TRPC4: variants seen among roughly 807,000 people sequenced by gnomAD.
The protein encoded by TRPC4 is short transient receptor potential channel 4.
A neutral mutation model predicts 99.4 loss-of-function variants in TRPC4; 49 were observed. The ratio of observed to expected loss-of-function variants is 0.49; its 90% CI spans 0.39 to 0.63. The LOEUF is 0.63. Ranked by LOEUF, TRPC4 falls within the 20% of genes least tolerant of loss-of-function variation. The pLI is 0.00. For missense variants in TRPC4, 898 were observed against 1,152.9 expected, an observed-to-expected ratio of 0.78 and a Z score of 3.20; for synonymous variants, 454 against 425.9, an observed-to-expected ratio of 1.07 and a Z score of -0.81.
intron 3 of TRPC4, among the ~76,000 whole-genome samples, chr13:37,741,934 G>GA (rs369211542): frequency 0.58 from 83,834 of 145,638 alleles, 24,120 homozygotes; most frequent in Middle Eastern, 0.65. Context: ...ATTTTTTCAT[G>GA]AAAAAAAAAA....
rs180715461 is a variant in TRPC4 at position 37,635,401 on chromosome 13, G to C, written c.*1502C>G. Among the ~76,000 whole-genome samples, 10 of 152,200 alleles carry C rather than the reference G, an allele frequency of 6.6e-5. No individual in the cohort carries two copies. The highest frequency in any genetic ancestry group is 2.4e-4 in the African/African-American group (10 of 41,558). On this transcript the variant is annotated 3_prime_UTR_variant, in exon 11 of 11. Coordinates refer to ENST00000379705, the MANE Select transcript of TRPC4 (RefSeq NM_016179.4). ...AGGAGCTACTTCAGAGGGCTGTAAA[G>C]AGCAGTACATAAATGTTAACAGGTG... is the stretch of plus-strand genomic sequence containing the variant.
chr13:37,719,786 C>T (rs1954804922), intron 3 of TRPC4, among the ~76,000 whole-genome samples: 1 of 151,522 alleles, frequency 6.6e-6, no homozygotes, highest in South Asian at 2.1e-4. Context: ...AATGCCCTCC[C>T]TCCAAAGATG....
At chr13:37,806,686 G>C (rs1957536870) in intron 1 of TRPC4, among the ~76,000 whole-genome samples, 2 of 152,014 alleles carry the variant, frequency 1.3e-5, no homozygotes, top group Non-Finnish European at 2.9e-5. Context: ...TTTTGTGCTT[G>C]GAAGTAAACA....
chr13:37,669,978 G>A (rs1348340856), intron 5 of TRPC4, among the ~76,000 whole-genome samples: 1 of 152,036 alleles, frequency 6.6e-6, no homozygotes, highest in Non-Finnish European at 1.5e-5. Flanking sequence ...GTTTATATGA[G>A]GTCATGAGGG....
chr13:37,645,677 C>T (rs771111383), intron 8 of TRPC4, among the ~76,000 whole-genome samples: 2 of 152,184 alleles, frequency 1.3e-5, no homozygotes, highest in Non-Finnish European at 1.5e-5. Context: ...AGTTTGGCTT[C>T]TTTGCAGATG....
At chr13:37,830,616 G>A (rs2139590798) in intron 1 of TRPC4, among the ~76,000 whole-genome samples, 1 of 151,462 alleles carries the variant, frequency 6.6e-6, no homozygotes. Context: ...GGAGGCTGAG[G>A]CACAAGAATC....
At chr13:37,789,812 T>C (rs1225013547) in intron 1 of TRPC4, among the ~76,000 whole-genome samples, 1 of 152,142 alleles carries the variant, frequency 6.6e-6, no homozygotes, top group Non-Finnish European at 1.5e-5. Flanking sequence ...GAAACATGTT[T>C]CTCATCTTTA....
intron 1 of TRPC4, among the ~76,000 whole-genome samples, chr13:37,816,598 T>G (rs964751352): frequency 6.6e-6 from 1 of 151,910 alleles, no homozygotes; most frequent in African/African-American, 2.4e-5. Flanking sequence ...GCCAATATCC[T>G]TGAAGAACAT....
intron 1 of TRPC4, among the ~76,000 whole-genome samples, chr13:37,794,678 TACTA>T (rs1353931636): frequency 6.6e-6 from 1 of 152,182 alleles, no homozygotes; most frequent in Non-Finnish European, 1.5e-5. Context: ...TTGAACACTT[TACTA>T]ACTTTGTCAC....
intron 2 of TRPC4, among the ~76,000 whole-genome samples, chr13:37,772,350 C>G (rs1324112932): frequency 1.3e-5 from 2 of 151,650 alleles, no homozygotes; most frequent in East Asian, 3.9e-4. Context: ...CCAAGCAAAG[C>G]CTAAGAGGAC....
intron 1 of TRPC4, among the ~76,000 whole-genome samples, chr13:37,864,037 T>A (rs1188379488): frequency 6.6e-6 from 1 of 151,740 alleles, no homozygotes; most frequent in African/African-American, 2.4e-5. Flanking sequence ...CTGAACACTT[T>A]TCATAATCTG....
intron 1 of TRPC4, among the ~76,000 whole-genome samples, chr13:37,827,033 T>C (rs1197729636): frequency 6.6e-6 from 1 of 152,122 alleles, no homozygotes; most frequent in African/African-American, 2.4e-5. Context: ...TCATCTTCCA[T>C]TGCTGATACC....
chr13:37,778,768 T>C (rs1373365338), intron 2 of TRPC4, among the ~76,000 whole-genome samples: 1 of 152,050 alleles, frequency 6.6e-6, no homozygotes, highest in Non-Finnish European at 1.5e-5. Context: ...TGGGAAACTC[T>C]CATATATTAA....
chr13:37,656,252 A>T (rs1345465149), intron 6 of TRPC4, among the ~76,000 whole-genome samples: 1 of 152,200 alleles, frequency 6.6e-6, no homozygotes, highest in Non-Finnish European at 1.5e-5. Context: ...TAATAAAACG[A>T]TGATAGAGAT....
intron 2 of TRPC4, among the ~76,000 whole-genome samples, chr13:37,755,682 G>A (rs12868646): frequency 0.38 from 57,689 of 151,898 alleles, 12,628 homozygotes; most frequent in Non-Finnish European, 0.51. Flanking sequence ...GATTACAGGC[G>A]TGAGCCACTG....
chr13:37,818,784 C>G (rs1957933429), intron 1 of TRPC4, among the ~76,000 whole-genome samples: 1 of 151,990 alleles, frequency 6.6e-6, no homozygotes, highest in Non-Finnish European at 1.5e-5. Flanking sequence ...GGGAACATCA[C>G]ATACCAGGGC....
chr13:37,812,080 G>C (rs940287884), intron 1 of TRPC4, among the ~76,000 whole-genome samples: 1 of 150,012 alleles, frequency 6.7e-6, no homozygotes. Flanking sequence ...TTGGGAGGCT[G>C]AGGCAGGAGC....
chr13:37,861,952 A>G (rs1959367184), intron 1 of TRPC4, among the ~76,000 whole-genome samples: 1 of 151,456 alleles, frequency 6.6e-6, no homozygotes, highest in Non-Finnish European at 1.5e-5. Context: ...TGCAGGTTCC[A>G]ATAATGGTTT....
In TRPC4 at chr13:37,743,243, A is replaced by G. The variant is rs779858769; in HGVS notation, c.897+2694T>C. ...GCACCAATTCTTATTTTTTTGTTAC[A>G]TGCTATATGTTTTTTGTTATGTTTT... On this transcript the variant is annotated intron_variant, in intron 3 of 10. Coordinates refer to ENST00000379705, the MANE Select transcript of TRPC4 (RefSeq NM_016179.4). 8.5e-4 allele frequency among the ~76,000 whole-genome samples: 129 copies of G among 152,220 alleles called. 1 individual carries two copies. The highest frequency in any genetic ancestry group is 8.7e-4 in the Non-Finnish European group (59 of 67,988).
Sources: gnomAD v4.1 joint callset for allele counts (sites outside exome capture counted in the v4.1 genomes callset) on GRCh38, gnomAD v4.1.1 for gene constraint, MANE v1.5 for transcripts, NCBI Gene and HGNC (gene_info 2026-07-23, HGNC 2026-07-21) for gene names.